The following RAB38 variants were observed in gnomAD, a reference collection of about 807,000 sequenced individuals.
The protein encoded by RAB38 is RAB38, member RAS oncogene family.
Under a neutral mutation model 18.4 loss-of-function variants are expected in RAB38, and 15 were observed. The ratio of observed to expected loss-of-function variants is 0.82; its 90% CI spans 0.55 to 1.26. The LOEUF is 1.26. RAB38 is among the 50% of genes most tolerant of loss of function. The probability of loss-of-function intolerance (pLI) is 0.00; values close to 1 mark genes in which losing one functional copy is unlikely to be tolerated. For synonymous variants in RAB38, 101 were observed against 104.4 expected, an observed-to-expected ratio of 0.97 and a Z score of 0.20; for missense variants, 294 against 267.4, an observed-to-expected ratio of 1.10 and a Z score of -0.69.
the RAB38 span, among the ~76,000 whole-genome samples, chr11:88,018,083 A>G: frequency 0.65 from 99,022 of 151,818 alleles, 32,487 homozygotes; most frequent in East Asian, 0.76. Context: ...TGAGTCCATT[A>G]CACCTCTTTC....
At chr11:87,867,086 C>T in the RAB38 span, among the ~76,000 whole-genome samples, 1 of 151,760 alleles carries the variant, frequency 6.6e-6, no homozygotes, top group Non-Finnish European at 1.5e-5. Context: ...TCTTGCTCTT[C>T]TCTGGTTTGC....
chr11:88,085,054 G>T, the RAB38 span, among the ~76,000 whole-genome samples: 8 of 151,828 alleles, frequency 5.3e-5, no homozygotes, highest in Admixed American at 5.3e-4. Flanking sequence ...GAATGGACAG[G>T]TGTAGAGAAA....
the RAB38 span, among the ~76,000 whole-genome samples, chr11:87,910,663 A>G: frequency 4.7e-5 from 5 of 105,976 alleles, no homozygotes; most frequent in African/African-American, 2.3e-4. Context: ...TTTTTTTGAG[A>G]TGGAGTCTCT....
downstream of RAB38, among the ~76,000 whole-genome samples, chr11:88,108,394 A>G (rs1942428446): frequency 6.6e-6 from 1 of 151,558 alleles, no homozygotes; most frequent in African/African-American, 2.4e-5. Context: ...GTCTTTTTTG[A>G]TATTTGTTGG....
At chr11:87,897,397 G>C in the RAB38 span, among the ~76,000 whole-genome samples, 1 of 151,436 alleles carries the variant, frequency 6.6e-6, no homozygotes, top group Admixed American at 6.6e-5. Flanking sequence ...ATTTTATCTT[G>C]GGTAGCATGC....
the RAB38 span, among the ~76,000 whole-genome samples, chr11:87,804,241 C>A: frequency 1.3e-5 from 2 of 152,166 alleles, no homozygotes; most frequent in African/African-American, 4.8e-5. Context: ...CTTTCTACCT[C>A]TCTCCAATGA....
chr11:88,031,768 T>G, the RAB38 span, among the ~76,000 whole-genome samples: 8 of 151,934 alleles, frequency 5.3e-5, no homozygotes, highest in African/African-American at 1.9e-4. Flanking sequence ...TGCTCAAGGG[T>G]AGGAAGAATC....
chr11:87,940,253 C>G, the RAB38 span, among the ~76,000 whole-genome samples: 2 of 151,554 alleles, frequency 1.3e-5, no homozygotes, highest in East Asian at 3.9e-4. Flanking sequence ...CACAAATTAG[C>G]CAGCATAAAT....
the RAB38 span, among the ~76,000 whole-genome samples, chr11:87,834,521 A>G: frequency 6.6e-6 from 1 of 152,184 alleles, no homozygotes; most frequent in East Asian, 1.9e-4. Context: ...TTATGACTGG[A>G]AGTGGCAGAG....
At chr11:88,100,066 A>C in the RAB38 span, 1 of 151,754 alleles carries the variant, frequency 6.6e-6, no homozygotes, top group South Asian at 2.1e-4. Context: ...CCCTTGTTTT[A>C]CTCTCCTCCC....
At chr11:88,017,737 TAA>T in the RAB38 span, among the ~76,000 whole-genome samples, 1 of 146,504 alleles carries the variant, frequency 6.8e-6, no homozygotes, top group African/African-American at 2.5e-5. Flanking sequence ...TATATATATA[TAA>T]TATATATTTT....
chr11:87,849,462 G>T, the RAB38 span, among the ~76,000 whole-genome samples: 9 of 152,126 alleles, frequency 5.9e-5, no homozygotes, highest in African/African-American at 2.2e-4. Flanking sequence ...AGAGCTTTTG[G>T]TGGGTATCTT....
the RAB38 span, among the ~76,000 whole-genome samples, chr11:87,880,370 C>T: frequency 1.3e-5 from 2 of 151,710 alleles, no homozygotes; most frequent in South Asian, 4.1e-4. Flanking sequence ...GCTCTTCTAT[C>T]CCAATTTTAA....
chr11:87,941,237 A>ATG, the RAB38 span, among the ~76,000 whole-genome samples: 9 of 123,688 alleles, frequency 7.3e-5, 1 homozygote, highest in Non-Finnish European at 1.0e-4. Flanking sequence ...ATATATATAT[A>ATG]TATATATATG....
the RAB38 span, among the ~76,000 whole-genome samples, chr11:87,970,537 G>A: frequency 0.019 from 2,914 of 152,064 alleles, 93 homozygotes; most frequent in African/African-American, 0.067. Context: ...CCTAGGCATG[G>A]GGTGCACATT....
At chr11:88,029,286 T>C in the RAB38 span, among the ~76,000 whole-genome samples, 5 of 151,974 alleles carry the variant, frequency 3.3e-5, no homozygotes, top group Admixed American at 2.6e-4. Flanking sequence ...TGCCAAAATG[T>C]AAAGACCATC....
At chr11:87,977,492 T>C in the RAB38 span, among the ~76,000 whole-genome samples, 4 of 82,202 alleles carry the variant, frequency 4.9e-5, no homozygotes, top group Non-Finnish European at 9.4e-5. Context: ...TTATATATAA[T>C]ATAATTTTAT....
the RAB38 span, among the ~76,000 whole-genome samples, chr11:87,845,353 CAT>C: frequency 1.3e-5 from 2 of 152,072 alleles, no homozygotes; most frequent in African/African-American, 2.4e-5. Context: ...AAGCCTCACA[CAT>C]GTGAGGTGAA....
At chr11:88,023,000 A>C in the RAB38 span, among the ~76,000 whole-genome samples, 2 of 152,112 alleles carry the variant, frequency 1.3e-5, no homozygotes. Flanking sequence ...GGCCTTTTGG[A>C]GGGTATAGAG....
Sources: gnomAD v4.1 joint callset for allele counts (sites outside exome capture counted in the v4.1 genomes callset) on GRCh38, gnomAD v4.1.1 for gene constraint, MANE v1.5 for transcripts, NCBI Gene and HGNC (gene_info 2026-07-23, HGNC 2026-07-21) for gene names.